Variants in CEP128 observed in about 807,000 individuals in gnomAD.
CEP128 encodes the protein centrosomal protein 128kDa.
In CEP128, 132 loss-of-function variants were observed where a neutral mutation model predicts 156.7. The ratio of observed to expected loss-of-function variants is 0.84; its 90% confidence interval spans 0.73 to 0.97. CEP128 has a LOEUF of 0.97. CEP128 is among the 50% of genes least tolerant of loss of function. The pLI is 0.00. For synonymous variants in CEP128, 469 were observed against 448.9 expected, an observed-to-expected ratio of 1.04 and a Z score of -0.57; for missense variants, 1,252 against 1,281.9, an observed-to-expected ratio of 0.98 and a Z score of 0.36.
intron 20 of CEP128, among the ~76,000 whole-genome samples, chr14:80,559,588 G>T (rs74064248): frequency 2.5e-3 from 387 of 152,056 alleles, no homozygotes; most frequent in African/African-American, 8.7e-3. Context: ...TTTTTGTAAT[G>T]GTAAGATTAT....
chr14:80,789,783 C>T (rs1376674717), intron 14 of CEP128, among the ~76,000 whole-genome samples: 5 of 149,972 alleles, frequency 3.3e-5, no homozygotes, highest in Non-Finnish European at 5.9e-5. Flanking sequence ...TCCTCAAAGA[C>T]GTGAATACAA....
chr14:80,797,185 C>G (rs1004597234), intron 13 of CEP128, among the ~76,000 whole-genome samples: 1 of 152,204 alleles, frequency 6.6e-6, no homozygotes, highest in African/African-American at 2.4e-5. Flanking sequence ...TCTTCTGTAA[C>G]TACAGAGCAA....
intron 24 of CEP128, among the ~76,000 whole-genome samples, chr14:80,498,164 G>T (rs1194178804): frequency 4.6e-5 from 7 of 152,054 alleles, no homozygotes; most frequent in Admixed American, 4.6e-4. Context: ...TCAAACCGTG[G>T]TTCCTCTCTT....
rs749954879 is a variant in CEP128, at chr14:80,526,999, G to A, written c.2959-17C>T. 751 of 859,298 alleles carry A rather than the reference G, an allele frequency of 8.7e-4. 1 individual carries two copies. The highest frequency in any genetic ancestry group is 1.3e-3 in the Non-Finnish European group (688 of 535,260). The allele number at this position is 859,298 out of a possible 1,614,324, so 53.2% of individuals were successfully genotyped here. ...GCAGGAATCCTGGAAAAAAAAAAAA[G>A]CAAAGGGTCTGAACTGGTAGATGAA... On this transcript the variant is annotated splice_polypyrimidine_tract_variant and intron_variant, in intron 22 of 24. Transcript: ENST00000555265.
At chr14:80,760,150 A>G (rs925675388) in intron 17 of CEP128, among the ~76,000 whole-genome samples, 5 of 147,580 alleles carry the variant, frequency 3.4e-5, no homozygotes, top group African/African-American at 1.2e-4. Flanking sequence ...CAGCATTAGG[A>G]AAAAAAAAAA....
chr14:80,895,886 AT>A, intron 7 of CEP128, 96 bp from the exon 8 acceptor site: 7 of 884,344 alleles, frequency 7.9e-6, no homozygotes, highest in Non-Finnish European at 1.1e-5. Context: ...TTATTACAAA[AT>A]ATTCTACTTT....
intron 21 of CEP128, among the ~76,000 whole-genome samples, chr14:80,532,652 T>G (rs1194852500): frequency 6.6e-6 from 1 of 152,196 alleles, no homozygotes; most frequent in Non-Finnish European, 1.5e-5. Context: ...CAAATGGCTT[T>G]CCAGAATTCT....
chr14:80,816,023 C>T (rs1359993359), intron 13 of CEP128, among the ~76,000 whole-genome samples: 1 of 149,970 alleles, frequency 6.7e-6, no homozygotes, highest in East Asian at 1.9e-4. Context: ...ATGATGGCAA[C>T]ACAAAAAAAA....
At position 80,831,438 on chromosome 14, in the gene CEP128, G is replaced by A. The variant is rs143749217; in HGVS notation, c.1058-144C>T. The A allele has an allele frequency of 2.2e-3, 1,612 of 725,772 alleles. 25 individuals carry two copies. In the African/African-American group the frequency reaches 0.026, roughly 12 times the overall value. The allele number at this position is 725,772 out of a possible 1,614,324, so 45.0% of individuals were successfully genotyped here. A position where few individuals can be genotyped will look rare whatever the true frequency, so the allele number is the denominator to read the frequency against. ...GTTACTCAACAGACTTTGCCAGCCT[G>A]TTGTTTCAAGTTTTATAGCTTTCAA... On this transcript the variant is annotated intron_variant, in intron 12 of 24. Coordinates refer to ENST00000555265, the MANE Select transcript of CEP128 (RefSeq NM_152446.5).
chr14:80,849,041 A>C (rs773836802), intron 9 of CEP128, among the ~76,000 whole-genome samples: 9 of 152,220 alleles, frequency 5.9e-5, no homozygotes, highest in Non-Finnish European at 1.2e-4. Context: ...AGCCCCAGCA[A>C]AAGAGGAGAT....
At chr14:80,885,216 G>A (rs143944689) in intron 8 of CEP128, among the ~76,000 whole-genome samples, 37 of 152,238 alleles carry the variant, frequency 2.4e-4, no homozygotes, top group African/African-American at 7.5e-4. Flanking sequence ...AGACTTAAAC[G>A]TTCCTGCCTG....
intron 13 of CEP128, among the ~76,000 whole-genome samples, chr14:80,800,133 T>C (rs1361005711): frequency 6.6e-6 from 1 of 152,220 alleles, no homozygotes; most frequent in Non-Finnish European, 1.5e-5. Context: ...TACCGATATG[T>C]GATGTCACCC....
intron 14 of CEP128, among the ~76,000 whole-genome samples, chr14:80,479,554 C>T (rs755219165): frequency 2.6e-5 from 4 of 152,132 alleles, no homozygotes; most frequent in Non-Finnish European, 5.9e-5. Context: ...GAAAGATAGG[C>T]CCCCATGATT....
intron 19 of CEP128, among the ~76,000 whole-genome samples, chr14:80,631,175 A>T (rs777567199): frequency 6.6e-6 from 1 of 151,966 alleles, no homozygotes; most frequent in Non-Finnish European, 1.5e-5. Flanking sequence ...ATTAGCCACC[A>T]TCTCCATTGA....
chr14:80,520,394 G>A lies in CEP128; in HGVS notation c.3072+6475C>T, dbSNP rs569020826. 2.6e-5 allele frequency among the ~76,000 whole-genome samples: 4 copies of A among 151,334 alleles called. No homozygotes were observed. The South Asian group carries it at 8.4e-4, about 32-fold the overall frequency. ...AGACTGTGCCACTGCACTCCAGCCT[G>A]GGTGACAGAGCGAGATTCCATCTAA... On this transcript the variant is annotated intron_variant, in intron 23 of 24. Transcript: ENST00000555265.
At chr14:80,553,417 T>C (rs1890296662) in intron 21 of CEP128, among the ~76,000 whole-genome samples, 1 of 152,212 alleles carries the variant, frequency 6.6e-6, no homozygotes, top group Non-Finnish European at 1.5e-5. Flanking sequence ...CTTACTCCAC[T>C]GGTATGTGAT....
chr14:80,916,929 C>T (rs1199604870), intron 2 of CEP128, among the ~76,000 whole-genome samples: 1 of 152,170 alleles, frequency 6.6e-6, no homozygotes, highest in Non-Finnish European at 1.5e-5. Context: ...CACAGATATT[C>T]TCTAAAGTTA....
At chr14:80,735,999 A>G (rs980090997) in intron 19 of CEP128, among the ~76,000 whole-genome samples, 1 of 152,212 alleles carries the variant, frequency 6.6e-6, no homozygotes, top group African/African-American at 2.4e-5. Flanking sequence ...CCCTTTTGCC[A>G]TGTAAGGTAA....
intron 19 of CEP128, among the ~76,000 whole-genome samples, chr14:80,739,254 A>G (rs1898686122): frequency 2.6e-5 from 4 of 152,174 alleles, no homozygotes; most frequent in Admixed American, 2.6e-4. Flanking sequence ...ACCCAATTAC[A>G]GATGCTAAGA....
Sources: allele counts gnomAD v4.1 joint callset (sites outside exome capture counted in the v4.1 genomes callset), GRCh38; gene constraint gnomAD v4.1.1; transcripts MANE v1.5; gene names NCBI Gene and HGNC (gene_info 2026-07-23, HGNC 2026-07-21).